Variants in POLQ observed in about 807,000 individuals in gnomAD.
POLQ encodes epididymis secretory sperm binding protein.
A neutral mutation model predicts 259.2 loss-of-function variants in POLQ; 233 were observed. The ratio of observed to expected loss-of-function variants is 0.90; its 90% CI spans 0.81 to 1.00. POLQ has a LOEUF of 1.00. Among genes scored for constraint, POLQ ranks in the 50% least tolerant of loss-of-function variants. The pLI is 0.00. For synonymous variants in POLQ, 1,025 were observed against 1,048.8 expected (o/e 0.98, Z 0.44); for missense variants, 2,871 against 3,051.6 (o/e 0.94, Z 1.39).
intron 25 of POLQ, among the ~76,000 whole-genome samples, chr3:121,454,167 C>T (rs906456532): frequency 6.6e-6 from 1 of 152,184 alleles, no homozygotes; most frequent in Non-Finnish European, 1.5e-5. Flanking sequence ...CAATCCTTAA[C>T]AGACAAGCAA....
intron 26 of POLQ, among the ~76,000 whole-genome samples, chr3:121,446,209 C>A (rs2047631360): frequency 6.6e-6 from 1 of 152,098 alleles, no homozygotes; most frequent in African/African-American, 2.4e-5. Context: ...ACTGGTCACT[C>A]AAGAGCATAT....
chr3:121,510,298 C>G (rs936505108), intron 10 of POLQ, 55 bp from the exon 11 acceptor site: 4 of 1,364,240 alleles, frequency 2.9e-6, no homozygotes, highest in East Asian at 4.6e-5. Flanking sequence ...ATGCAAGCCA[C>G]CGGGCGCGGT....
intron 24 of POLQ, among the ~76,000 whole-genome samples, chr3:121,464,967 G>A (rs1051742265): frequency 6.6e-6 from 1 of 151,986 alleles, no homozygotes; most frequent in Non-Finnish European, 1.5e-5. Flanking sequence ...GGATGTTTCT[G>A]CTTCAAAGTC....
chr3:121,510,352 C>A, intron 10 of POLQ, 109 bp from the exon 11 acceptor site: 1 of 696,994 alleles, frequency 1.4e-6, no homozygotes, highest in Non-Finnish European at 2.5e-6. Flanking sequence ...CCGAGGCGGG[C>A]GGATCACGAG....
intron 25 of POLQ, among the ~76,000 whole-genome samples, chr3:121,449,675 A>G (rs1357991052): frequency 6.6e-6 from 1 of 152,156 alleles, no homozygotes; most frequent in Non-Finnish European, 1.5e-5. Flanking sequence ...TGTGTGATCT[A>G]AGGAAAAATT....
intron 3 of POLQ, among the ~76,000 whole-genome samples, chr3:121,541,123 C>T (rs1238912372): frequency 2.6e-5 from 4 of 152,120 alleles, no homozygotes; most frequent in Admixed American, 6.5e-5. Flanking sequence ...TCAGATGATC[C>T]GCCCACCTTG....
At chr3:121,464,207 T>C (rs2047816659) in intron 24 of POLQ, among the ~76,000 whole-genome samples, 2 of 152,134 alleles carry the variant, frequency 1.3e-5, no homozygotes, top group South Asian at 2.1e-4. Context: ...GAGAATGTAT[T>C]TGGAAATGAA....
chr3:121,500,278 CAAAAAA>C (rs1187939050), intron 12 of POLQ, among the ~76,000 whole-genome samples: 2 of 52,872 alleles, frequency 3.8e-5, no homozygotes, highest in African/African-American at 5.8e-5. Context: ...GAATATGTCT[CAAAAAA>C]AAAAAAAAAA....
chr3:121,439,627 G>A (rs748162716), intron 27 of POLQ, among the ~76,000 whole-genome samples: 1 of 151,972 alleles, frequency 6.6e-6, no homozygotes, highest in Non-Finnish European at 1.5e-5. Flanking sequence ...TTAGCAATTT[G>A]GTATGATATG....
intron 25 of POLQ, among the ~76,000 whole-genome samples, 173 bp downstream of exon 25, chr3:121,459,877 C>T (rs1254990469): frequency 1.3e-5 from 2 of 152,118 alleles, no homozygotes; most frequent in Non-Finnish European, 2.9e-5. Flanking sequence ...TTCCTACTGC[C>T]TCCACAAAAG....
intron 25 of POLQ, among the ~76,000 whole-genome samples, chr3:121,449,740 TCA>T (rs1364843076): frequency 2.6e-5 from 4 of 152,182 alleles, no homozygotes; most frequent in African/African-American, 9.6e-5. Flanking sequence ...TTTTTACTCC[TCA>T]CAGAACTTCA....
At position 121,493,687 on chromosome 3, in the gene POLQ, C is replaced by T. The variant is rs2048090763; in HGVS notation, c.2313G>A (p.Trp771Ter). Reference protein sequence around the residue: ...MITVFSNRLGWHNMELLLSQF... With the variant: ...MITVFSNRLG ...GGGAAAGTAGTAGTTCCATGTTGTG[C>T]CAGCCCAGACGGTTGGAAAATACTG... Residue 771 changes from tryptophan (W) to a stop codon, truncating the protein, a stop_gained, in exon 15 of 30, where the codon TGG becomes TGA. Transcript: ENST00000264233. LOFTEE classifies it high-confidence loss of function. 5.0e-6 allele frequency: 8 copies of T among 1,613,500 alleles called. No homozygotes were observed. Among genetic ancestry groups the T allele is most frequent in the South Asian group, 1.1e-5 (1 of 91,066 alleles).
chr3:121,522,477 A>G (rs1260468993), intron 7 of POLQ, among the ~76,000 whole-genome samples: 1 of 145,366 alleles, frequency 6.9e-6, no homozygotes, highest in African/African-American at 2.6e-5. Context: ...GCGCCCGGCT[A>G]ATTTTTTGTA....
Position 121,481,592 on chromosome 3 carries a change from A to G in POLQ, c.6191T>C (p.Leu2064Ser), listed in dbSNP as rs2047970334. ...FNSMNQLNSLLQKENLQDVFR... is the reference protein window; with the variant it reads ...FNSMNQLNSLSQKENLQDVFR... ...TTTACCTTGAAGGTTTTCCTTCTGC[A>G]ACAAAGAGTTGAGCTGATTCATAGA... is the stretch of plus-strand genomic sequence containing the variant. The change falls in exon 19 of 30, where the codon TTG (leucine) becomes TCG (serine). Residue 2064 changes from leucine to serine, a missense_variant. Leu to Ser is a moderately radical substitution (Grantham distance 145, BLOSUM62 -2). Around this residue, in one of 3 missense-constraint regions of POLQ, gnomAD observed 2,080 missense variants for 2,126.0 expected, o/e 0.98. Transcript: ENST00000264233. The G allele has an allele frequency of 6.3e-7, 1 of 1,599,694 alleles. No homozygotes were observed. Among genetic ancestry groups the G allele is most frequent in the Non-Finnish European group, 8.5e-7 (1 of 1,172,218 alleles).
At chr3:121,531,595 T>C (rs1270093887) in intron 6 of POLQ, among the ~76,000 whole-genome samples, 1 of 152,216 alleles carries the variant, frequency 6.6e-6, no homozygotes, top group East Asian at 1.9e-4. Context: ...AAGGGTAACA[T>C]GATCTGATGT....
chr3:121,439,570 A>G (rs1312856294), intron 27 of POLQ, among the ~76,000 whole-genome samples: 1 of 152,200 alleles, frequency 6.6e-6, no homozygotes, highest in Admixed American at 6.5e-5. Flanking sequence ...AGTAGAATGA[A>G]CCAAAAATTA....
At chr3:121,458,267 G>A (rs1326076577) in intron 25 of POLQ, among the ~76,000 whole-genome samples, 1 of 152,108 alleles carries the variant, frequency 6.6e-6, no homozygotes, top group East Asian at 1.9e-4. Flanking sequence ...GATAGCATTA[G>A]GAGATATACC....
chr3:121,502,817 G>A (rs2048182147), intron 12 of POLQ, among the ~76,000 whole-genome samples: 1 of 151,968 alleles, frequency 6.6e-6, no homozygotes, highest in African/African-American at 2.4e-5. Flanking sequence ...GATGTAATAA[G>A]TATAACAATG....
Position 121,539,369 on chromosome 3 carries a change from A to G in POLQ, c.631+64T>C, listed in dbSNP as rs550819805. ...AAATGGGACCTAGAGAAATCACAAC[A>G]GCTCCACTTCATTCCATCAAAAATA... On this transcript the variant is annotated intron_variant, in intron 4 of 29. Transcript: ENST00000264233. 1,544 of 1,274,182 alleles carry G rather than the reference A, an allele frequency of 1.2e-3. 2 individuals carry two copies. Among genetic ancestry groups the G allele is most frequent in the Non-Finnish European group, 1.4e-3 (1,307 of 902,012 alleles). 78.9% of individuals were successfully genotyped at this position (1,274,182 alleles called of 1,614,324 possible).
Sources: allele counts gnomAD v4.1 joint callset (sites outside exome capture counted in the v4.1 genomes callset), GRCh38; gene constraint gnomAD v4.1.1; regional missense constraint gnomAD v4.1.1; transcripts MANE v1.5; gene names NCBI Gene and HGNC (gene_info 2026-07-23, HGNC 2026-07-21).